PRELID2: variants seen among roughly 807,000 people sequenced by gnomAD.
PRELID2 encodes PRELI domain containing 2.
PRELID2 carries 25 observed loss-of-function variants against 28.4 expected under a neutral mutation model. That is an observed-to-expected ratio of 0.88 (90% confidence interval 0.64 to 1.23). The LOEUF (loss-of-function observed/expected upper bound fraction) is 1.23, where lower values mean the gene tolerates loss of function less well. Ranked by LOEUF, PRELID2 falls within the 50% of genes most tolerant of loss-of-function variation. PRELID2 has a pLI of 0.00. For synonymous variants in PRELID2, 76 were observed against 71.6 expected (o/e 1.06, Z -0.31); for missense variants, 201 against 214.4 (o/e 0.94, Z 0.39).
the PRELID2 span, among the ~76,000 whole-genome samples, chr5:145,457,283 A>T: frequency 2.0e-5 from 3 of 152,170 alleles, no homozygotes; most frequent in Admixed American, 1.3e-4. Flanking sequence ...CAATCATCTC[A>T]CAGAGTCGCT....
intron 1 of PRELID2, among the ~76,000 whole-genome samples, chr5:145,724,919 T>A (rs1334837014): frequency 6.6e-6 from 1 of 151,228 alleles, no homozygotes; most frequent in Non-Finnish European, 1.5e-5. Flanking sequence ...ATTTTTTAAA[T>A]TTTTGTAGAA....
chr5:145,282,006 A>G, the PRELID2 span, among the ~76,000 whole-genome samples: 1 of 152,192 alleles, frequency 6.6e-6, no homozygotes, highest in Non-Finnish European at 1.5e-5. Context: ...CAAGAGTCAC[A>G]TAGACATGAA....
intron 1 of PRELID2, among the ~76,000 whole-genome samples, chr5:145,521,795 A>G (rs1752565223): frequency 6.6e-6 from 1 of 152,130 alleles, no homozygotes; most frequent in South Asian, 2.1e-4. Flanking sequence ...TACTTCCCCA[A>G]TGCCAACACC....
the PRELID2 span, among the ~76,000 whole-genome samples, chr5:145,371,786 G>C: frequency 1.3e-5 from 2 of 150,672 alleles, no homozygotes; most frequent in Non-Finnish European, 3.0e-5. Flanking sequence ...GTCTCTGTGG[G>C]GTCAGTGGTG....
At chr5:145,293,404 A>G in the PRELID2 span, among the ~76,000 whole-genome samples, 4 of 152,300 alleles carry the variant, frequency 2.6e-5, no homozygotes, top group Non-Finnish European at 1.5e-5. Flanking sequence ...GCATAAATGT[A>G]TGTTTTATTA....
intron 1 of PRELID2, among the ~76,000 whole-genome samples, chr5:145,644,514 C>T (rs978056239): frequency 6.6e-6 from 1 of 151,644 alleles, no homozygotes; most frequent in Admixed American, 6.6e-5. Flanking sequence ...TCTCTATCTC[C>T]TTCAGTTCTG....
At chr5:145,637,079 G>T (rs1389167500) in intron 1 of PRELID2, among the ~76,000 whole-genome samples, 1 of 151,964 alleles carries the variant, frequency 6.6e-6, no homozygotes, top group Non-Finnish European at 1.5e-5. Context: ...GGGAGGTTTA[G>T]ACCCAAAGAC....
intron 1 of PRELID2, among the ~76,000 whole-genome samples, chr5:145,548,985 AT>A (rs1298379165): frequency 6.6e-6 from 1 of 152,156 alleles, no homozygotes; most frequent in Non-Finnish European, 1.5e-5. Flanking sequence ...TCTCTCTCCC[AT>A]TCCCACATTC....
In PRELID2 at chr5:145,692,130, T is replaced by A. The variant is rs559156057; in HGVS notation, n.70+72801A>T. Among the ~76,000 whole-genome samples, 7 of 152,256 alleles carry A rather than the reference T, an allele frequency of 4.6e-5. No homozygotes were observed. The East Asian group carries it at 1.2e-3, about 25-fold the overall frequency. On this transcript the variant is annotated intron_variant and non_coding_transcript_variant, in intron 1 of 2. Transcript: ENST00000510259. The stretch of plus-strand genomic sequence containing the variant: ...GATTTCAAATACTCATTTACCTGGC[T>A]CATATTTTCACAATGCCACACACTC...
At chr5:145,298,710 G>A in the PRELID2 span, among the ~76,000 whole-genome samples, 2 of 152,154 alleles carry the variant, frequency 1.3e-5, no homozygotes, top group East Asian at 1.9e-4. Context: ...CCAGCCTCCA[G>A]AACTGTGAGC....
At chr5:145,612,746 T>C (rs1299654059) in intron 1 of PRELID2, among the ~76,000 whole-genome samples, 6 of 152,236 alleles carry the variant, frequency 3.9e-5, no homozygotes, top group Non-Finnish European at 8.8e-5. Flanking sequence ...TCACTTAGAA[T>C]AATAGTCTCC....
chr5:145,245,974 C>A, the PRELID2 span, among the ~76,000 whole-genome samples: 2 of 151,876 alleles, frequency 1.3e-5, no homozygotes, highest in African/African-American at 4.8e-5. Context: ...GGAAAGAGGA[C>A]AGGGGAGGTC....
intron 1 of PRELID2, among the ~76,000 whole-genome samples, chr5:145,720,861 C>G (rs752495183): frequency 6.6e-6 from 1 of 151,960 alleles, no homozygotes; most frequent in Non-Finnish European, 1.5e-5. Context: ...AGAAGCAGTT[C>G]TCAAATGTTT....
At chr5:145,749,011 C>A (rs1757063214) in intron 1 of PRELID2, among the ~76,000 whole-genome samples, 1 of 152,084 alleles carries the variant, frequency 6.6e-6, no homozygotes. Flanking sequence ...AAACCCCAAA[C>A]CAAAAAAACT....
At chr5:145,522,159 AT>A (rs1752567775) in intron 1 of PRELID2, among the ~76,000 whole-genome samples, 1 of 152,174 alleles carries the variant, frequency 6.6e-6, no homozygotes, top group Non-Finnish European at 1.5e-5. Context: ...AACATTACAA[AT>A]TAAGATAAAA....
In PRELID2 at chr5:145,517,202, C is replaced by A. The variant is rs145516802; in HGVS notation, n.71-43887G>T. On this transcript the variant is annotated intron_variant and non_coding_transcript_variant, in intron 1 of 2. Coordinates refer to the PRELID2 transcript ENST00000510259. ...AATTATCATCAGAGTGAACAGGCAA[C>A]CTACAGAATAGGAGAAAATTTTTGC... 7.5e-3 allele frequency among the ~76,000 whole-genome samples: 1,137 copies of A among 152,034 alleles called. 11 individuals are homozygous for A. The highest frequency in any genetic ancestry group is 0.026 in the African/African-American group (1,080 of 41,464).
At chr5:145,567,646 G>T (rs1424873504) in intron 1 of PRELID2, among the ~76,000 whole-genome samples, 1 of 152,116 alleles carries the variant, frequency 6.6e-6, no homozygotes, top group Non-Finnish European at 1.5e-5. Context: ...CCAAAGTGCT[G>T]GGATTACAGG....
intron 1 of PRELID2, among the ~76,000 whole-genome samples, chr5:145,488,787 C>T (rs150476043): frequency 1.4e-3 from 212 of 152,146 alleles, no homozygotes; most frequent in African/African-American, 4.4e-3. Flanking sequence ...TGGCCTCTTA[C>T]GACCTAGTAG....
At chr5:145,823,051 C>A (rs201778539) in intron 2 of PRELID2, 26 bp downstream of exon 2, 2 of 1,223,294 alleles carry the variant, frequency 1.6e-6, no homozygotes, top group African/African-American at 1.5e-5. Flanking sequence ...ATGATCATTA[C>A]TGAAAAAACT....
Sources: gnomAD v4.1 joint callset for allele counts (sites outside exome capture counted in the v4.1 genomes callset) on GRCh38, gnomAD v4.1.1 for gene constraint, MANE v1.5 for transcripts, NCBI Gene and HGNC (gene_info 2026-07-23, HGNC 2026-07-21) for gene names.